ATF3: variants seen among roughly 807,000 people sequenced by gnomAD.
ATF3 encodes the protein activating transcription factor 3, also known as cyclic AMP-dependent transcription factor ATF-3.
A neutral mutation model predicts 18.4 loss-of-function variants in ATF3; 10 were observed. The observed-to-expected ratio is 0.54, with a 90% CI of 0.34 to 0.92. The LOEUF (loss-of-function observed/expected upper bound fraction) is 0.92. Among genes scored for constraint, ATF3 ranks in the 40% least tolerant of loss-of-function variants. The pLI, the probability that ATF3 is intolerant of heterozygous loss-of-function variation, is 0.02. For synonymous variants in ATF3, 78 were observed against 87.9 expected (o/e 0.89, Z 0.63); for missense variants, 183 against 222.3 (o/e 0.82, Z 1.12).
intron 1 of ATF3, among the ~76,000 whole-genome samples, chr1:212,581,842 A>C (rs1290478843): frequency 6.6e-6 from 1 of 152,232 alleles, no homozygotes; most frequent in Non-Finnish European, 1.5e-5. Context: ...AAAGGATATA[A>C]TTGCATATTC....
intron 1 of ATF3, among the ~76,000 whole-genome samples, chr1:212,593,861 T>C (rs1199330808): frequency 1.0e-5 from 1 of 95,992 alleles, no homozygotes. Flanking sequence ...AGGGCTGTCT[T>C]TATTTTTCTG....
intron 1 of ATF3, among the ~76,000 whole-genome samples, chr1:212,584,179 T>TA (rs34720469): frequency 0.3 from 45,172 of 152,104 alleles, 6,906 homozygotes; most frequent in South Asian, 0.38. Flanking sequence ...AATATGTATT[T>TA]ATGAACAACT....
chr1:212,585,165 A>T (rs1664754868), intron 1 of ATF3, among the ~76,000 whole-genome samples: 1 of 152,192 alleles, frequency 6.6e-6, no homozygotes, highest in Non-Finnish European at 1.5e-5. Context: ...GAGAGAAAGG[A>T]TTACTAACAG....
At chr1:212,603,359 A>G (rs1654536559) in intron 1 of ATF3, among the ~76,000 whole-genome samples, 1 of 152,220 alleles carries the variant, frequency 6.6e-6, no homozygotes, top group Non-Finnish European at 1.5e-5. Flanking sequence ...AGGGATTTAA[A>G]AAAAGGAAAA....
intron 1 of ATF3, among the ~76,000 whole-genome samples, chr1:212,578,148 TTA>T (rs1384965114): frequency 6.6e-6 from 1 of 152,220 alleles, no homozygotes. Context: ...TAACTTATGA[TTA>T]TCTCTTTATT....
At chr1:212,576,562 T>C (rs1212373598) in intron 1 of ATF3, among the ~76,000 whole-genome samples, 1 of 151,872 alleles carries the variant, frequency 6.6e-6, no homozygotes, top group Non-Finnish European at 1.5e-5. Flanking sequence ...TTTACTGATT[T>C]TTTTTCTTAA....
At chr1:212,616,818 G>A (rs927547966) in intron 2 of ATF3, among the ~76,000 whole-genome samples, 3 of 152,196 alleles carry the variant, frequency 2.0e-5, no homozygotes, top group African/African-American at 7.2e-5. Flanking sequence ...TGGGGTGTAA[G>A]AGAAAGGGAA....
Position 212,615,204 on chromosome 1 carries a change from G to T in ATF3, c.183G>T (p.Ala61=), listed in dbSNP as rs774446012. The change falls in exon 2 of 4, where the codon GCG becomes GCT. Residue 61 remains alanine (A), a synonymous_variant. Transcript: ENST00000341491. ...NKHLCHRMSS[A]LESVTVSDRP... is the part of the protein sequence containing the mutation. ...ACCTCTGCCACCGGATGTCCTCTGC[G>T]CTGGAATCAGTCACTGTCAGCGACA... 6.2e-7 allele frequency: 1 copy of T among 1,614,168 alleles called. No individual in the cohort carries two copies. Among genetic ancestry groups the T allele is most frequent in the Non-Finnish European group, 8.5e-7 (1 of 1,180,032 alleles).
chr1:212,595,483 T>A (rs1459128672), intron 1 of ATF3, among the ~76,000 whole-genome samples: 1 of 152,214 alleles, frequency 6.6e-6, no homozygotes, highest in Non-Finnish European at 1.5e-5. Flanking sequence ...AGCCCCTTCC[T>A]GGACCAACCA....
intron 1 of ATF3, chr1:212,613,286 C>T (rs962933609): frequency 6.6e-6 from 1 of 152,158 alleles, no homozygotes; most frequent in Non-Finnish European, 1.5e-5. Flanking sequence ...TCCCACCTAC[C>T]TTAAGGCCTG....
intron 1 of ATF3, among the ~76,000 whole-genome samples, chr1:212,611,333 A>G (rs1339472943): frequency 1.3e-5 from 2 of 152,252 alleles, no homozygotes; most frequent in African/African-American, 4.8e-5. Context: ...TGAATTGATA[A>G]CAACAGAATG....
At chr1:212,587,428 G>T (rs1002221507) in intron 1 of ATF3, among the ~76,000 whole-genome samples, 10 of 152,172 alleles carry the variant, frequency 6.6e-5, no homozygotes, top group Non-Finnish European at 1.3e-4. Context: ...GTGGGCTTTT[G>T]CAGAAGTCAG....
upstream of ATF3, among the ~76,000 whole-genome samples, chr1:212,606,141 T>C (rs969293449): frequency 1.3e-5 from 2 of 152,222 alleles, no homozygotes; most frequent in African/African-American, 4.8e-5. Flanking sequence ...CCTCAGGGGC[T>C]CTGCCTTGCT....
upstream of ATF3, among the ~76,000 whole-genome samples, chr1:212,604,457 T>C (rs1317669568): frequency 6.6e-6 from 1 of 152,198 alleles, no homozygotes; most frequent in Non-Finnish European, 1.5e-5. Flanking sequence ...AATCCATGCC[T>C]GGGGTGTTCT....
chr1:212,591,474 T>C lies in ATF3; in HGVS notation c.-4-23544T>C, dbSNP rs76234677. On this transcript the variant is annotated intron_variant, in intron 1 of 3. Transcript: ENST00000366981. ...CAAGAGCAGAGGTCAGGATGTAGTT[T>C]TGAAAATGTAAGTGCTCTTTAGACA... 6.4e-3 allele frequency among the ~76,000 whole-genome samples: 971 copies of C among 152,310 alleles called. 8 individuals are homozygous for C. The highest frequency in any genetic ancestry group is 0.022 in the African/African-American group (900 of 41,558).
rs201880223 is a variant in ATF3, at chr1:212,619,147, C to A, written c.349-211C>A. On this transcript the variant is annotated intron_variant, in intron 3 of 3. Coordinates refer to ENST00000341491, the MANE Select transcript of ATF3 (RefSeq NM_001674.4). This position sits in a 1 kb window ranked among gnomAD's most constrained non-coding sequence, Gnocchi z 4.4. ...CTTCAGTATTAGCAGAGCCACAGGC[C>A]GCCTCTGTGGCATCACCAGGGTTTC... 1 of 1,613,896 alleles carries A rather than the reference C, an allele frequency of 6.2e-7. No individual in the cohort carries two copies.
intron 1 of ATF3, among the ~76,000 whole-genome samples, chr1:212,565,741 C>T (rs2102616560): frequency 6.6e-6 from 1 of 152,172 alleles, no homozygotes; most frequent in East Asian, 1.9e-4. Flanking sequence ...TTTTACTGAC[C>T]CCTCTGCAGG....
chr1:212,603,080 G>T (rs1200248976), intron 1 of ATF3, among the ~76,000 whole-genome samples: 1 of 152,200 alleles, frequency 6.6e-6, no homozygotes. Flanking sequence ...TGGCTATGGT[G>T]TCTTTTAGTT....
At chr1:212,569,770 G>A (rs1664447198) in intron 1 of ATF3, among the ~76,000 whole-genome samples, 1 of 151,716 alleles carries the variant, frequency 6.6e-6, no homozygotes, top group South Asian at 2.1e-4. Context: ...TTAAACATTT[G>A]GGTAATATCT....
Sources: allele counts gnomAD v4.1 joint callset (sites outside exome capture counted in the v4.1 genomes callset), GRCh38; gene constraint gnomAD v4.1.1; non-coding constraint Gnocchi (gnomAD v3.1); transcripts MANE v1.5; gene names NCBI Gene and HGNC (gene_info 2026-07-23, HGNC 2026-07-21).